AR: variants seen among roughly 807,000 people sequenced by gnomAD.
The protein encoded by AR is androgen receptor.
In AR, 8 loss-of-function variants were observed where a neutral mutation model predicts 53.9. The observed-to-expected ratio is 0.15, with a 90% CI of 0.09 to 0.27. The LOEUF (loss-of-function observed/expected upper bound fraction) is 0.27, where lower values mean the gene tolerates loss of function less well. Among genes scored for constraint, AR ranks in the 10% least tolerant of loss-of-function variants. The pLI is 1.00. For synonymous variants in AR, 359 were observed against 316.4 expected (o/e 1.13, Z -1.43); for missense variants, 639 against 742.5 (o/e 0.86, Z 1.62).
intron 1 of AR, among the ~76,000 whole-genome samples, chrX:67,564,779 AT>A (rs1035158835): frequency 1.8e-5 from 2 of 111,138 alleles, no homozygotes; most frequent in Non-Finnish European, 1.9e-5. Context: ...AAGTGAAATA[AT>A]TTTTTTTCTA....
intron 1 of AR, among the ~76,000 whole-genome samples, chrX:67,582,016 A>T (rs1922320610): frequency 8.9e-6 from 1 of 111,756 alleles, no homozygotes. Context: ...TGTTTGAAAG[A>T]TCATCTGCCC....
chrX:67,636,853 C>G (rs912171995), intron 1 of AR, among the ~76,000 whole-genome samples: 7 of 111,567 alleles, frequency 6.3e-5, no homozygotes, highest in Admixed American at 2.9e-4. Context: ...TCTCAGGTCT[C>G]TAGTCAAAAT....
intron 1 of AR, among the ~76,000 whole-genome samples, chrX:67,602,894 A>C (rs1015146040): frequency 8.9e-6 from 1 of 112,243 alleles, no homozygotes; most frequent in Non-Finnish European, 1.9e-5. Context: ...TAATATATTT[A>C]CCATGCAAGG....
At chrX:67,555,402 A>G (rs778416683) in intron 1 of AR, among the ~76,000 whole-genome samples, 12 of 112,205 alleles carry the variant, frequency 1.1e-4, no homozygotes, top group Non-Finnish European at 1.9e-4. Context: ...TGCTTATTCA[A>G]TAGTGCACCC....
chrX:67,630,694 G>A (rs187658663), intron 1 of AR, among the ~76,000 whole-genome samples: 1 of 109,009 alleles, frequency 9.2e-6, no homozygotes, highest in African/African-American at 3.3e-5. Context: ...GATTTTAGCT[G>A]GTTATTTTGC....
chrX:67,717,605 T>C lies in AR; in HGVS notation c.2301T>C (p.Pro767=), dbSNP rs2076119004. ...NVNSRMLYFA[P]DLVFNEYRMH... Reference sequence around the variant, plus strand: ...ACTCCAGGATGCTCTACTTCGCCCCTGATCTGGTTTTCAATGAGTAAGTGC... The same window carrying C: ...ACTCCAGGATGCTCTACTTCGCCCCCGATCTGGTTTTCAATGAGTAAGTGC... Residue 767 remains proline (P), a synonymous_variant, in exon 5 of 8, where the codon CCT becomes CCC. Transcript: ENST00000374690. 1 of 1,212,345 alleles carries C rather than the reference T, an allele frequency of 8.2e-7. No individual in the cohort carries two copies. The highest frequency in any genetic ancestry group is 2.2e-5 in the Admixed American group (1 of 46,133).
intron 3 of AR, among the ~76,000 whole-genome samples, chrX:67,697,305 G>C (rs1179685799): frequency 9.0e-6 from 1 of 111,583 alleles, no homozygotes; most frequent in South Asian, 3.8e-4. Flanking sequence ...AAGTTCACCT[G>C]CTTGGGGTAA....
intron 2 of AR, among the ~76,000 whole-genome samples, chrX:67,675,761 C>T (rs1255053897): frequency 1.8e-5 from 2 of 111,930 alleles, no homozygotes; most frequent in Non-Finnish European, 3.8e-5. Flanking sequence ...TGTGATTGCT[C>T]ACCTGATTTT....
chrX:67,572,397 G>A (rs1602163600), intron 1 of AR, among the ~76,000 whole-genome samples: 1 of 111,477 alleles, frequency 9.0e-6, no homozygotes, highest in East Asian at 2.8e-4. Context: ...TATTTAAGTG[G>A]CAGCTGTTAT....
At chrX:67,639,400 A>C (rs1444457276) in intron 1 of AR, among the ~76,000 whole-genome samples, 7 of 111,742 alleles carry the variant, frequency 6.3e-5, no homozygotes, top group Non-Finnish European at 1.1e-4. Flanking sequence ...TCTGTAAAAC[A>C]CTTTGGGCAG....
intron 1 of AR, among the ~76,000 whole-genome samples, chrX:67,571,729 T>C (rs1158389813): frequency 9.0e-6 from 1 of 111,312 alleles, no homozygotes; most frequent in African/African-American, 3.3e-5. Flanking sequence ...ACATACTATT[T>C]ACATAAAATT....
At chrX:67,643,862 G>C (rs1208541675) in intron 2 of AR, among the ~76,000 whole-genome samples, 1 of 111,462 alleles carries the variant, frequency 9.0e-6, no homozygotes, top group Non-Finnish European at 1.9e-5. Flanking sequence ...CCCCAGAAAG[G>C]GAGTGTTCTC....
chrX:67,662,578 C>A (rs1335295436), intron 2 of AR, among the ~76,000 whole-genome samples: 5 of 111,292 alleles, frequency 4.5e-5, no homozygotes, highest in African/African-American at 1.6e-4. Context: ...AATTTCTGTT[C>A]TTTTACATTT....
At chrX:67,581,052 T>G (rs1310646394) in intron 1 of AR, among the ~76,000 whole-genome samples, 1 of 112,071 alleles carries the variant, frequency 8.9e-6, no homozygotes, top group Non-Finnish European at 1.9e-5. Context: ...CAAGGCAATC[T>G]ATTTATTAAT....
intron 1 of AR, among the ~76,000 whole-genome samples, chrX:67,609,553 C>T (rs1172246977): frequency 1.8e-5 from 2 of 110,573 alleles, no homozygotes; most frequent in Non-Finnish European, 1.9e-5. Context: ...TTGATTTTAA[C>T]CTGATTTTTT....
rs2147322274 is a variant in AR at position 67,546,563 on chromosome X, G to A, written c.1417G>A (p.Gly473Ser). ...GGGGGGGGGG[G>S]EAGAVAPYGY... ...CGGCGGCGGCGGCGGCGGCGGCGGC[G>A]GCGAGGCGGGAGCTGTAGCCCCCTA... is the stretch of plus-strand genomic sequence containing the variant. The change falls in exon 1 of 8, where the codon GGC becomes AGC. Residue 473 changes from glycine (G) to serine (S), a missense_variant. This residue lies in a region of AR where 423 missense variants were observed against 377.0 expected (regional missense o/e 1.12). Transcript: ENST00000374690. 1 of 988,130 alleles carries A rather than the reference G, an allele frequency of 1.0e-6. No homozygotes were observed. Among genetic ancestry groups the A allele is most frequent in the South Asian group, 3.9e-5 (1 of 25,434 alleles). 81.4% of individuals were successfully genotyped at this position (988,130 alleles called of 1,213,427 possible). A position where few individuals can be genotyped will look rare whatever the true frequency, so the allele number is the denominator to read the frequency against.
At chrX:67,567,650 C>T (rs1921612205) in intron 1 of AR, among the ~76,000 whole-genome samples, 1 of 111,704 alleles carries the variant, frequency 9.0e-6, no homozygotes, top group South Asian at 3.7e-4. Flanking sequence ...CAGACCTACG[C>T]TTAAAATACT....
At chrX:67,626,620 A>G (rs1463734280) in intron 1 of AR, among the ~76,000 whole-genome samples, 1 of 99,140 alleles carries the variant, frequency 1.0e-5, no homozygotes, top group Non-Finnish European at 2.0e-5. Context: ...TTATATATAT[A>G]TATATATATA....
chrX:67,725,511 C>T lies in AR; in HGVS notation c.*1670C>T, dbSNP rs1209219260. 8 of 174,277 alleles carry T rather than the reference C, an allele frequency of 4.6e-5. No individual in the cohort carries two copies. Among genetic ancestry groups the T allele is most frequent in the Admixed American group, 3.9e-4 (5 of 12,690 alleles). 14.4% of individuals were successfully genotyped at this position (174,277 alleles called of 1,213,427 possible). On this transcript the variant is annotated 3_prime_UTR_variant, in exon 8 of 8. Coordinates refer to ENST00000374690, the MANE Select transcript of AR (RefSeq NM_000044.6). The stretch of plus-strand genomic sequence containing the variant: ...ACTAGAACCAGAAACCCTGCAAATG[C>T]TCTTCTTGTCACCCAGCATATCCAC...
Sources: gnomAD v4.1 joint callset for allele counts (sites outside exome capture counted in the v4.1 genomes callset) on GRCh38, gnomAD v4.1.1 for gene constraint, gnomAD v4.1.1 regional missense constraint, MANE v1.5 for transcripts, NCBI Gene and HGNC (gene_info 2026-07-23, HGNC 2026-07-21) for gene names.